NEO1: variants seen among roughly 807,000 people sequenced by gnomAD.
NEO1 encodes the protein neogenin 1, also known as neogenin.
A neutral mutation model predicts 159.7 loss-of-function variants in NEO1; 63 were observed. The observed-to-expected ratio is 0.39, with a 90% CI of 0.32 to 0.49. The LOEUF (loss-of-function observed/expected upper bound fraction) is 0.49. Among genes scored for constraint, NEO1 ranks in the 20% least tolerant of loss-of-function variants. NEO1 has a pLI of 0.85. For synonymous variants in NEO1, 633 were observed against 662.0 expected (o/e 0.96, Z 0.67); for missense variants, 1,615 against 1,831.0 (o/e 0.88, Z 2.15).
chr15:73,082,928 C>T (rs1328082781), intron 1 of NEO1, among the ~76,000 whole-genome samples: 1 of 152,114 alleles, frequency 6.6e-6, no homozygotes, highest in Non-Finnish European at 1.5e-5. Context: ...CTGACAGATA[C>T]AGACCCTGGC....
At chr15:73,199,519 C>A (rs1346337307) in intron 7 of NEO1, among the ~76,000 whole-genome samples, 3 of 152,034 alleles carry the variant, frequency 2.0e-5, no homozygotes, top group Admixed American at 6.6e-5. Flanking sequence ...TCCATCCTTC[C>A]CCATTTACTC....
At chr15:73,117,443 G>C (rs1379901771) in intron 2 of NEO1, among the ~76,000 whole-genome samples, 1 of 152,208 alleles carries the variant, frequency 6.6e-6, no homozygotes. Context: ...TGGTTTCTAA[G>C]TAAGTCATGT....
At chr15:73,208,715 A>C (rs1384654182) in intron 7 of NEO1, among the ~76,000 whole-genome samples, 1 of 152,056 alleles carries the variant, frequency 6.6e-6, no homozygotes, top group African/African-American at 2.4e-5. Flanking sequence ...CACAAAAATT[A>C]GTGGGACATC....
chr15:73,067,826 T>C (rs1052085887), intron 1 of NEO1, among the ~76,000 whole-genome samples: 3 of 151,882 alleles, frequency 2.0e-5, no homozygotes, highest in African/African-American at 7.3e-5. Flanking sequence ...CTGTGTTAGC[T>C]AGGATGGTCT....
At chr15:73,117,475 C>T (rs8039640) in intron 2 of NEO1, among the ~76,000 whole-genome samples, 13,350 of 152,124 alleles carry the variant, frequency 0.088, 680 homozygotes, top group South Asian at 0.11. Flanking sequence ...TAGATACTAG[C>T]GTTCCTGAGA....
At chr15:73,272,968 CAAAA>C (rs56162211) in intron 19 of NEO1, among the ~76,000 whole-genome samples, 2 of 86,584 alleles carry the variant, frequency 2.3e-5, no homozygotes, top group African/African-American at 4.6e-5. Flanking sequence ...CCTGAAGCCA[CAAAA>C]AAAAAAAAAA....
At chr15:73,239,097 A>C (rs2039356449) in intron 8 of NEO1, among the ~76,000 whole-genome samples, 1 of 152,082 alleles carries the variant, frequency 6.6e-6, no homozygotes, top group African/African-American at 2.4e-5. Flanking sequence ...GATCCACTTC[A>C]GCCTCCCAAA....
At chr15:73,222,739 A>G (rs974471586) in intron 7 of NEO1, among the ~76,000 whole-genome samples, 1 of 151,962 alleles carries the variant, frequency 6.6e-6, no homozygotes, top group Non-Finnish European at 1.5e-5. Context: ...AATAAATTTT[A>G]ATTTATCTTT....
chr15:73,298,402 C>T lies in NEO1; in HGVS notation c.3956C>T (p.Thr1319Ile). The T allele has an allele frequency of 6.2e-7, 1 of 1,614,236 alleles. No homozygotes were observed. The highest frequency in any genetic ancestry group is 8.5e-7 in the Non-Finnish European group (1 of 1,180,036). The change falls in exon 27 of 29, where the codon ACA (threonine) becomes ATA (isoleucine). Residue 1319 changes from threonine (T) to isoleucine (I), a missense_variant. This residue lies in a region of NEO1 where 471 missense variants were observed against 498.9 expected (regional missense o/e 0.94). Transcript: ENST00000261908. The stretch of plus-strand genomic sequence containing the variant: ...ACCATGCCAGCCTCTTCGTCTCAAA[C>T]ATGCTGCACTGATCACCAGGACCCT... ...TDTMPASSSQ[T>I]CCTDHQDPEG...
At chr15:73,165,237 A>G (rs1462412554) in intron 5 of NEO1, among the ~76,000 whole-genome samples, 4 of 152,126 alleles carry the variant, frequency 2.6e-5, no homozygotes, top group Non-Finnish European at 5.9e-5. Context: ...TTCACACACC[A>G]AAAATATGAA....
rs769208719 is a variant in NEO1 at position 73,260,367 on chromosome 15, T to C, written c.2300T>C (p.Val767Ala). The C allele has an allele frequency of 8.7e-6, 14 of 1,613,968 alleles. No homozygotes were observed. The highest frequency in any genetic ancestry group is 2.7e-5 in the African/African-American group (2 of 74,928). ...ACTCCTCCAGAGAATCAGAACATTG[T>C]GGTCAGAGGTTACGCCATTGGTTAT... is the stretch of plus-strand genomic sequence containing the variant. Reference protein sequence around the residue: ...SWTPPENQNIVVRGYAIGYGI... With the variant: ...SWTPPENQNIAVRGYAIGYGI... Residue 767 changes from valine to alanine, a missense_variant, in exon 15 of 29, where the codon GTG (valine) becomes GCG (alanine). This residue lies in a region of NEO1 where 1,018 missense variants were observed against 1,115.4 expected (regional missense o/e 0.91). Coordinates refer to ENST00000261908, the MANE Select transcript of NEO1 (RefSeq NM_002499.4).
intron 8 of NEO1, among the ~76,000 whole-genome samples, chr15:73,238,368 TA>T (rs1200219800): frequency 1.4e-5 from 2 of 138,278 alleles, no homozygotes; most frequent in African/African-American, 5.3e-5. Context: ...TCTTGTTCAA[TA>T]AAATTCTCCA....
In NEO1 at chr15:73,160,538, C is replaced by G. The variant is rs1052401793; in HGVS notation, c.1016-15865C>G. On this transcript the variant is annotated intron_variant, in intron 5 of 28. Coordinates refer to ENST00000261908, the MANE Select transcript of NEO1 (RefSeq NM_002499.4). ...CTCTCTTCAGGTGGTAGTCCCAAGT[C>G]TGGGTCTCCAGAACTTCTGACTGAC... 3.3e-5 allele frequency among the ~76,000 whole-genome samples: 5 copies of G among 152,164 alleles called. No individual in the cohort carries two copies. In the South Asian group the frequency reaches 6.2e-4, roughly 19 times the overall value.
chr15:73,170,792 G>T (rs2034907090), intron 5 of NEO1, among the ~76,000 whole-genome samples: 1 of 152,130 alleles, frequency 6.6e-6, no homozygotes, highest in Admixed American at 6.6e-5. Flanking sequence ...TAATTGTGGG[G>T]TTATCCTAAT....
chr15:73,298,216 G>A (rs2042455252), intron 26 of NEO1, 132 bp from the exon 27 acceptor site: 2 of 1,075,036 alleles, frequency 1.9e-6, no homozygotes, highest in South Asian at 3.3e-5. Context: ...GCTAATCCAT[G>A]TTCTCTTGGA....
At chr15:73,214,300 G>A (rs1282194096) in intron 7 of NEO1, among the ~76,000 whole-genome samples, 2 of 152,098 alleles carry the variant, frequency 1.3e-5, no homozygotes, top group Non-Finnish European at 2.9e-5. Context: ...ATTTATTTTT[G>A]TTTTTATTGC....
rs752940226 is a variant in NEO1 at position 73,288,497 on chromosome 15, C to G, written c.3595C>G (p.Pro1199Ala). ...PIPRNSQDIT[P>A]VDNSMDSNIH... Reference sequence around the variant, plus strand: ...TCCTCGCAACTCTCAAGATATCACACCAGTTGACAACTCCATGGACAGCAA... The same window carrying G: ...TCCTCGCAACTCTCAAGATATCACAGCAGTTGACAACTCCATGGACAGCAA... Residue 1199 changes from proline to alanine, a missense_variant, in exon 24 of 29, where the codon CCA (proline) becomes GCA (alanine). Pro to Ala is a conservative substitution (Grantham distance 27). Coordinates refer to ENST00000261908, the MANE Select transcript of NEO1 (RefSeq NM_002499.4). The G allele has an allele frequency of 6.2e-7, 1 of 1,614,144 alleles. No individual in the cohort carries two copies. The highest frequency in any genetic ancestry group is 1.7e-5 in the Admixed American group (1 of 60,016).
At chr15:73,268,676 T>C (rs1228007206) in intron 16 of NEO1, among the ~76,000 whole-genome samples, 1 of 152,224 alleles carries the variant, frequency 6.6e-6, no homozygotes, top group Non-Finnish European at 1.5e-5. Flanking sequence ...GAGAAACCCA[T>C]TGTAAACTGT....
chr15:73,283,095 A>G lies in NEO1; in HGVS notation c.3394A>G (p.Thr1132Ala), dbSNP rs2041799262. 1 of 1,613,938 alleles carries G rather than the reference A, an allele frequency of 6.2e-7. No homozygotes were observed. The highest frequency in any genetic ancestry group is 2.2e-5 in the East Asian group (1 of 44,874). The stretch of plus-strand genomic sequence containing the variant: ...CGCTGTCTTTTGTACCCGTCGTACC[A>G]CCTCTCACCAGAAAAAGTAAGAAGC... The part of the protein sequence containing the change: ...IIAVFCTRRT[T>A]SHQKKKRAAC... The change falls in exon 23 of 29, where the codon ACC becomes GCC. Residue 1132 changes from threonine to alanine, a missense_variant. Transcript: ENST00000261908.
Sources: gnomAD v4.1 joint callset for allele counts (sites outside exome capture counted in the v4.1 genomes callset) on GRCh38, gnomAD v4.1.1 for gene constraint, gnomAD v4.1.1 regional missense constraint, MANE v1.5 for transcripts, NCBI Gene and HGNC (gene_info 2026-07-23, HGNC 2026-07-21) for gene names.